Variants in FHIT observed in about 807,000 individuals in gnomAD.
FHIT encodes bis(5'-adenosyl)-triphosphatase.
In FHIT, 19 loss-of-function variants were observed where a neutral mutation model predicts 17.9. The ratio of observed to expected loss-of-function variants is 1.06; its 90% CI spans 0.74 to 1.56. The LOEUF (loss-of-function observed/expected upper bound fraction) is 1.56. Ranked by LOEUF, FHIT falls within the 40% of genes most tolerant of loss-of-function variation. The pLI, the probability that FHIT is intolerant of heterozygous loss-of-function variation, is 0.00. For missense variants in FHIT, 248 were observed against 189.2 expected (o/e 1.31, Z -1.82); for synonymous variants, 81 against 69.7 (o/e 1.16, Z -0.81).
intron 5 of FHIT, among the ~76,000 whole-genome samples, chr3:60,516,912 G>A (rs1385611330): frequency 6.6e-6 from 1 of 152,134 alleles, no homozygotes; most frequent in Non-Finnish European, 1.5e-5. Context: ...AATCAATTGA[G>A]ATACAAACTT....
chr3:60,929,949 C>T (rs145829771), intron 3 of FHIT, among the ~76,000 whole-genome samples: 30 of 152,188 alleles, frequency 2.0e-4, no homozygotes, highest in Non-Finnish European at 4.1e-4. Flanking sequence ...ATCATGCTAC[C>T]TGACTTCAAA....
intron 5 of FHIT, among the ~76,000 whole-genome samples, chr3:60,229,957 G>A (rs1334980264): frequency 3.9e-5 from 6 of 152,142 alleles, no homozygotes; most frequent in Admixed American, 3.9e-4. Context: ...ACTCCAGCCT[G>A]GCCAACAGCA....
Position 59,970,836 on chromosome 3 carries a change from C to G in FHIT, c.279+40535G>C, listed in dbSNP as rs561454286. ...CAAAAACCTGCACGTCCCACTCCAG[C>G]CATTTTTTTTTTTTTCATTTCTAAA... On this transcript the variant is annotated intron_variant, in intron 7 of 9. Coordinates refer to ENST00000492590, the MANE Select transcript of FHIT (RefSeq NM_002012.4). Among the ~76,000 whole-genome samples, 16 of 65,646 alleles carry G rather than the reference C, an allele frequency of 2.4e-4. 1 individual carries two copies. In the East Asian group the frequency reaches 5.2e-3, roughly 21 times the overall value. The allele number at this position is 65,646 out of a possible 152,430, so 43.1% of individuals were successfully genotyped here. A position where few individuals can be genotyped will look rare whatever the true frequency, so the allele number is the denominator to read the frequency against.
intron 2 of FHIT, among the ~76,000 whole-genome samples, chr3:61,065,553 T>C (rs755321072): frequency 6.6e-6 from 1 of 152,136 alleles, no homozygotes; most frequent in Non-Finnish European, 1.5e-5. Context: ...GTTGCTGGAC[T>C]CTCAGTCTAC....
chr3:60,943,379 T>A (rs1553774992), intron 3 of FHIT, among the ~76,000 whole-genome samples: 1 of 152,160 alleles, frequency 6.6e-6, no homozygotes, highest in Non-Finnish European at 1.5e-5. Flanking sequence ...TAATAATATT[T>A]TTGCTTTTAA....
chr3:60,676,384 C>T (rs1020762552), intron 4 of FHIT, among the ~76,000 whole-genome samples: 1 of 152,152 alleles, frequency 6.6e-6, no homozygotes, highest in African/African-American at 2.4e-5. Flanking sequence ...TAGAAGGCTG[C>T]AATCTGGAAA....
intron 5 of FHIT, among the ~76,000 whole-genome samples, chr3:60,176,557 C>T (rs985105443): frequency 7.9e-5 from 12 of 152,152 alleles, no homozygotes; most frequent in African/African-American, 2.7e-4. Flanking sequence ...AAACAAACAC[C>T]TGGCAACTGC....
At chr3:60,697,382 T>C (rs2066814468) in intron 4 of FHIT, among the ~76,000 whole-genome samples, 1 of 152,202 alleles carries the variant, frequency 6.6e-6, no homozygotes, top group Non-Finnish European at 1.5e-5. Context: ...TATTTATAGT[T>C]ATTCATTAAA....
chr3:61,151,486 G>C (rs1214157036), intron 2 of FHIT, among the ~76,000 whole-genome samples: 1 of 151,516 alleles, frequency 6.6e-6, no homozygotes, highest in Admixed American at 6.6e-5. Context: ...GTATCCAAAG[G>C]TTAGCTTTTA....
chr3:60,807,855 TA>T (rs554244631), intron 4 of FHIT, among the ~76,000 whole-genome samples: 46 of 148,902 alleles, frequency 3.1e-4, no homozygotes, highest in African/African-American at 1.1e-3. Context: ...AAAAATAAAA[TA>T]AAAAAAGGAA....
chr3:60,122,058 A>T (rs2107224294), intron 5 of FHIT, among the ~76,000 whole-genome samples: 1 of 126,162 alleles, frequency 7.9e-6, no homozygotes, highest in South Asian at 2.6e-4. Flanking sequence ...TTGTGATAGA[A>T]GAAATGAGAG....
Position 60,712,841 on chromosome 3 carries a change from C to A in FHIT, c.-18+109078G>T, listed in dbSNP as rs528329133. Among the ~76,000 whole-genome samples the A allele has an allele frequency of 6.6e-3, 958 of 144,728 alleles. 11 individuals carry two copies. The highest frequency in any genetic ancestry group is 0.021 in the African/African-American group (853 of 39,776). 94.9% of individuals were successfully genotyped at this position (144,728 alleles called of 152,430 possible). On this transcript the variant is annotated intron_variant, in intron 4 of 9. Transcript: ENST00000492590. ...ACAATAATAATGGGAGACTTTAACACCCCACTGTCAACATTAGACAGATCA... is the reference window on the plus strand; with the variant it reads ...ACAATAATAATGGGAGACTTTAACAACCCACTGTCAACATTAGACAGATCA...
At chr3:60,877,959 T>C (rs1334164816) in intron 3 of FHIT, among the ~76,000 whole-genome samples, 3 of 152,052 alleles carry the variant, frequency 2.0e-5, no homozygotes. Context: ...TGCCCCACCA[T>C]TCCAAGGTCT....
At chr3:60,543,942 T>TAG (rs1199275273) in intron 4 of FHIT, among the ~76,000 whole-genome samples, 1 of 135,408 alleles carries the variant, frequency 7.4e-6, no homozygotes, top group Non-Finnish European at 1.6e-5. Context: ...GTATTTTTAG[T>TAG]AGAGACAGGG....
At chr3:61,051,993 G>T (rs1241270359) in intron 2 of FHIT, among the ~76,000 whole-genome samples, 1 of 152,142 alleles carries the variant, frequency 6.6e-6, no homozygotes, top group Non-Finnish European at 1.5e-5. Context: ...TTTGAGAAAA[G>T]ACTTTTGTTG....
intron 4 of FHIT, among the ~76,000 whole-genome samples, chr3:60,568,874 A>G (rs2037237266): frequency 1.3e-5 from 2 of 152,190 alleles, no homozygotes; most frequent in African/African-American, 4.8e-5. Flanking sequence ...CTTATAAGAG[A>G]CAAAGCATTC....
chr3:60,626,049 G>T (rs547032736), intron 4 of FHIT, among the ~76,000 whole-genome samples: 1 of 152,178 alleles, frequency 6.6e-6, no homozygotes, highest in African/African-American at 2.4e-5. Flanking sequence ...GATAGTAAAT[G>T]TGAGTTTATT....
Position 59,756,884 on chromosome 3 carries a change from T to G in FHIT, c.349-4563A>C, listed in dbSNP as rs538262203. Among the ~76,000 whole-genome samples, 398 of 152,306 alleles carry G rather than the reference T, an allele frequency of 2.6e-3. 1 individual carries two copies. The highest frequency in any genetic ancestry group is 9.2e-3 in the African/African-American group (384 of 41,574). ...TAGTTCACCAGTTCTAAGGTGCACA[T>G]TTTTTCATATTTTAACATCTTTGAA... On this transcript the variant is annotated intron_variant, in intron 8 of 9. Coordinates refer to ENST00000492590, the MANE Select transcript of FHIT (RefSeq NM_002012.4).
rs1171632622 is a variant in FHIT at position 59,774,441 on chromosome 3, A to C, written c.349-22120T>G. ...ACTTTTTGGTGTGTGAGGTTCGGCA[A>C]GTTACCTCACCTGCCTGTGCCTCAG... On this transcript the variant is annotated intron_variant, in intron 8 of 9. Transcript: ENST00000492590. Among the ~76,000 whole-genome samples, 5 of 152,360 alleles carry C rather than the reference A, an allele frequency of 3.3e-5. No homozygotes were observed. In the South Asian group the frequency reaches 1.0e-3, roughly 32 times the overall value.
Sources: allele counts gnomAD v4.1 joint callset (sites outside exome capture counted in the v4.1 genomes callset), GRCh38; gene constraint gnomAD v4.1.1; transcripts MANE v1.5; gene names NCBI Gene and HGNC (gene_info 2026-07-23, HGNC 2026-07-21).